TMCC1: variants seen among roughly 807,000 people sequenced by gnomAD.
The protein encoded by TMCC1 is transmembrane and coiled-coil domains protein 1.
A neutral mutation model predicts 52.4 loss-of-function variants in TMCC1; 15 were observed. That is an observed-to-expected ratio of 0.29 (90% CI 0.19 to 0.44). The LOEUF (loss-of-function observed/expected upper bound fraction) is 0.44, where lower values mean the gene tolerates loss of function less well. TMCC1 is among the 20% of genes least tolerant of loss of function. The pLI is 1.00. For missense variants in TMCC1, 503 were observed against 806.0 expected, an observed-to-expected ratio of 0.62 and a Z score of 4.55; for synonymous variants, 279 against 301.9, an observed-to-expected ratio of 0.92 and a Z score of 0.79.
chr3:129,829,248 T>C (rs892305120), intron 3 of TMCC1, among the ~76,000 whole-genome samples: 1 of 152,164 alleles, frequency 6.6e-6, no homozygotes, highest in Non-Finnish European at 1.5e-5. Flanking sequence ...AAGAAATCCC[T>C]TTCTCTATAG....
At chr3:129,659,210 C>T (rs2086866375) in intron 5 of TMCC1, among the ~76,000 whole-genome samples, 1 of 151,592 alleles carries the variant, frequency 6.6e-6, no homozygotes, top group Non-Finnish European at 1.5e-5. Context: ...AGGGATCCTC[C>T]CACCTCAGCC....
chr3:129,738,429 T>TA (rs1197350875), intron 4 of TMCC1, among the ~76,000 whole-genome samples: 1 of 152,244 alleles, frequency 6.6e-6, no homozygotes. Context: ...CTTCATATAT[T>TA]ACACAATTCT....
chr3:129,833,846 A>G (rs955971704), intron 2 of TMCC1, among the ~76,000 whole-genome samples: 1 of 152,206 alleles, frequency 6.6e-6, no homozygotes, highest in Admixed American at 6.5e-5. Context: ...AATTGGAAGC[A>G]CCAAAATTAA....
intron 2 of TMCC1, among the ~76,000 whole-genome samples, chr3:129,845,183 GTCACAC>G (rs992559327): frequency 8.7e-5 from 5 of 57,176 alleles, no homozygotes; most frequent in African/African-American, 1.2e-4. Context: ...GCAAGTCCCT[GTCACAC>G]TCACACACAC....
chr3:129,832,940 C>T (rs2058985270), intron 2 of TMCC1, 114 bp from the exon 3 acceptor site: 3 of 152,288 alleles, frequency 2.0e-5, no homozygotes, highest in Non-Finnish European at 2.9e-5. Flanking sequence ...TAATAGCCCT[C>T]ATCTCTCACT....
In TMCC1 at chr3:129,655,236, AGG is replaced by A. The variant is rs1189773874; in HGVS notation, c.1512-135_1512-134del. 8 of 1,093,002 alleles carry A rather than the reference AGG, an allele frequency of 7.3e-6. No individual in the cohort carries two copies. The African/African-American group carries it at 1.1e-4, about 15-fold the overall frequency. The allele number at this position is 1,093,002 out of a possible 1,614,324, so 67.7% of individuals were successfully genotyped here. On this transcript the variant is annotated intron_variant, in intron 5 of 6. Coordinates refer to ENST00000393238, the MANE Select transcript of TMCC1 (RefSeq NM_001017395.5). ...AAGAAATTGAGTGGCCTGGGTTAAC[AGG>A]GTGTGCCAGTGGGTATAGCTCTTAG...
rs761429057 is a variant in TMCC1, at chr3:129,756,105, AAAAAAAAAAAG to A, written c.576+71687_576+71697del. 3.5e-4 allele frequency among the ~76,000 whole-genome samples: 51 copies of A among 145,222 alleles called. 1 individual carries two copies. In the East Asian group the frequency reaches 0.01, roughly 30 times the overall value. On this transcript the variant is annotated intron_variant, in intron 4 of 6. Coordinates refer to ENST00000393238, the MANE Select transcript of TMCC1 (RefSeq NM_001017395.5). ...AGAGCAAGACTCCATCTCAAGAAAAAAAAAAAAAAAGAAAAAAAAAGAAAGAAAAAAGAAAC... is the reference window on the plus strand; with the variant it reads ...AGAGCAAGACTCCATCTCAAGAAAAAAAAAAAAAAGAAAGAAAAAAGAAAC...
At chr3:129,836,601 TACA>T (rs959728951) in intron 2 of TMCC1, among the ~76,000 whole-genome samples, 1 of 152,176 alleles carries the variant, frequency 6.6e-6, no homozygotes, top group Non-Finnish European at 1.5e-5. Flanking sequence ...CTCCAGGCAA[TACA>T]ACATTTATGG....
intron 2 of TMCC1, among the ~76,000 whole-genome samples, 179 bp downstream of exon 2, chr3:129,880,130 A>G (rs989182418): frequency 6.6e-6 from 1 of 152,244 alleles, no homozygotes; most frequent in East Asian, 1.9e-4. Context: ...GTTTCATTAT[A>G]TACATTAAGA....
intron 4 of TMCC1, among the ~76,000 whole-genome samples, chr3:129,727,277 A>G (rs549018810): frequency 9.2e-5 from 14 of 152,140 alleles, no homozygotes; most frequent in Non-Finnish European, 2.1e-4. Context: ...TTTCTTTGGA[A>G]TGCTGTTTGA....
chr3:129,866,293 AAT>A (rs1385221197), intron 2 of TMCC1, among the ~76,000 whole-genome samples: 2 of 144,132 alleles, frequency 1.4e-5, no homozygotes, highest in Non-Finnish European at 3.0e-5. Flanking sequence ...ATATATACAT[AAT>A]ATATAATATA....
At chr3:129,877,782 C>T (rs2061288074) in intron 2 of TMCC1, among the ~76,000 whole-genome samples, 1 of 151,550 alleles carries the variant, frequency 6.6e-6, no homozygotes, top group Non-Finnish European at 1.5e-5. Context: ...GAATGTGCCA[C>T]CACGCACAAC....
intron 2 of TMCC1, among the ~76,000 whole-genome samples, chr3:129,861,972 G>A (rs994947215): frequency 6.6e-6 from 1 of 152,058 alleles, no homozygotes; most frequent in African/African-American, 2.4e-5. Flanking sequence ...ATCAACTGAT[G>A]AAAAGATAAA....
chr3:129,784,470 G>T lies in TMCC1; in HGVS notation c.576+43333C>A, dbSNP rs186437702. On this transcript the variant is annotated intron_variant, in intron 4 of 6. Transcript: ENST00000393238. ...AGTTCCAGCTACTTGGGAGGCTGTG[G>T]CAGGAGAATGGCTTGAACCTGGGAG... Among the ~76,000 whole-genome samples, 363 of 152,140 alleles carry T rather than the reference G, an allele frequency of 2.4e-3. 3 individuals are homozygous for T. The highest frequency in any genetic ancestry group is 8.0e-3 in the African/African-American group (334 of 41,502).
intron 4 of TMCC1, among the ~76,000 whole-genome samples, chr3:129,808,888 T>C (rs2057628217): frequency 2.1e-5 from 3 of 146,254 alleles, no homozygotes; most frequent in Non-Finnish European, 4.5e-5. Flanking sequence ...GATCAAAAAG[T>C]TAAAATAAAT....
At chr3:129,814,131 T>C (rs1412788660) in intron 4 of TMCC1, among the ~76,000 whole-genome samples, 1 of 152,096 alleles carries the variant, frequency 6.6e-6, no homozygotes. Context: ...ACCATGAAAT[T>C]TCTAAAGACA....
intron 5 of TMCC1, among the ~76,000 whole-genome samples, chr3:129,661,852 A>C (rs2087052118): frequency 6.6e-6 from 1 of 152,194 alleles, no homozygotes; most frequent in South Asian, 2.1e-4. Context: ...AAATAACGAA[A>C]GGAAAAAAAA....
At chr3:129,776,071 T>C (rs1287974573) in intron 4 of TMCC1, among the ~76,000 whole-genome samples, 2 of 152,162 alleles carry the variant, frequency 1.3e-5, no homozygotes, top group Non-Finnish European at 2.9e-5. Flanking sequence ...TCCCTTTTAC[T>C]CCTCCTCTCT....
intron 4 of TMCC1, among the ~76,000 whole-genome samples, chr3:129,745,556 AG>A (rs1486352087): frequency 6.6e-6 from 1 of 152,220 alleles, no homozygotes; most frequent in African/African-American, 2.4e-5. Flanking sequence ...CTGGATCCTA[AG>A]GATCTTAGCC....
Sources: gnomAD v4.1 joint callset for allele counts (sites outside exome capture counted in the v4.1 genomes callset) on GRCh38, gnomAD v4.1.1 for gene constraint, MANE v1.5 for transcripts, NCBI Gene and HGNC (gene_info 2026-07-23, HGNC 2026-07-21) for gene names.